RNF130: variants seen among roughly 807,000 people sequenced by gnomAD.
RNF130 encodes the protein ring finger protein 130, also known as E3 ubiquitin-protein ligase RNF130.
Under a neutral mutation model 44.6 loss-of-function variants are expected in RNF130, and 21 were observed. That is an observed-to-expected ratio of 0.47 (90% CI 0.33 to 0.68). RNF130 has a LOEUF of 0.68. Among genes scored for constraint, RNF130 ranks in the 30% least tolerant of loss-of-function variants. The pLI is 0.02. For synonymous variants in RNF130, 214 were observed against 210.4 expected, an observed-to-expected ratio of 1.02 and a Z score of -0.15; for missense variants, 479 against 560.6, an observed-to-expected ratio of 0.85 and a Z score of 1.47.
At chr5:180,062,672 A>AT (rs1419277850) in intron 1 of RNF130, among the ~76,000 whole-genome samples, 4 of 152,106 alleles carry the variant, frequency 2.6e-5, no homozygotes, top group African/African-American at 7.2e-5. Context: ...TACCTGAACC[A>AT]TTTTTTTCCA....
intron 4 of RNF130, among the ~76,000 whole-genome samples, chr5:179,979,487 C>T (rs769894459): frequency 1.3e-5 from 2 of 151,992 alleles, no homozygotes; most frequent in African/African-American, 2.4e-5. Flanking sequence ...AGACAGTTTT[C>T]GTTTTATGCC....
intron 1 of RNF130, among the ~76,000 whole-genome samples, chr5:180,055,248 C>CAAAAAAAAAAAAAAAAAAAAAAA (rs1205914690): frequency 3.3e-4 from 7 of 20,978 alleles, no homozygotes; most frequent in Admixed American, 7.2e-4. Context: ...GGTTCTGTCT[C>CAAAAAAAAAAAAAAAAAAAAAAA]AAAAAAAAAA....
chr5:180,067,168 A>G lies in RNF130; in HGVS notation c.247+4288T>C, dbSNP rs1364588532. Among the ~76,000 whole-genome samples, 8 of 152,342 alleles carry G rather than the reference A, an allele frequency of 5.3e-5. No homozygotes were observed. The South Asian group carries it at 1.0e-3, about 20-fold the overall frequency. On this transcript the variant is annotated intron_variant, in intron 1 of 8. Coordinates refer to ENST00000521389, the MANE Select transcript of RNF130 (RefSeq NM_018434.6). Reference sequence around the variant, plus strand: ...GGCAAGGTGGGGTGAGGTCAGTGAGAGCTCACAAGCTTTGTCATCTGACAG... The same window carrying G: ...GGCAAGGTGGGGTGAGGTCAGTGAGGGCTCACAAGCTTTGTCATCTGACAG...
chr5:179,929,352 T>G (rs10479551), intron 7 of RNF130, among the ~76,000 whole-genome samples: 1 of 152,220 alleles, frequency 6.6e-6, no homozygotes, highest in African/African-American at 2.4e-5. Context: ...TCTTAATTAC[T>G]GTGGCTTTGT....
At chr5:179,920,410 A>G (rs996580776) in exon 8 of RNF130, 1 of 702,514 alleles carries the variant, frequency 1.4e-6, no homozygotes, top group Non-Finnish European at 2.6e-6. Context: ...AGGAGTTTCG[A>G]TGAAAGAAGT....
At chr5:180,069,867 A>G (rs1327776547) in intron 1 of RNF130, among the ~76,000 whole-genome samples, 1 of 152,170 alleles carries the variant, frequency 6.6e-6, no homozygotes, top group Non-Finnish European at 1.5e-5. Flanking sequence ...TTCTACAGAA[A>G]CACCTAAAAC....
intron 6 of RNF130, among the ~76,000 whole-genome samples, chr5:179,969,324 G>C (rs1027563979): frequency 3.3e-5 from 5 of 151,690 alleles, no homozygotes; most frequent in Non-Finnish European, 7.4e-5. Flanking sequence ...AGTTCTCCTT[G>C]GGCTCCAGTC....
chr5:180,032,881 C>T lies in RNF130; in HGVS notation c.442+7572G>A, dbSNP rs149112564. Among the ~76,000 whole-genome samples the T allele has an allele frequency of 3.3e-5, 5 of 152,210 alleles. No individual in the cohort carries two copies. The East Asian group carries it at 9.6e-4, about 29-fold the overall frequency. ...ATGCTGTGATTTGCATAGGTACATA[C>T]CACAAGGAATTTATATATCCATTTT... On this transcript the variant is annotated intron_variant, in intron 2 of 8. Coordinates refer to ENST00000521389, the MANE Select transcript of RNF130 (RefSeq NM_018434.6).
chr5:180,062,227 G>C (rs2113183527), intron 1 of RNF130, among the ~76,000 whole-genome samples: 1 of 151,826 alleles, frequency 6.6e-6, no homozygotes, highest in Middle Eastern at 3.4e-3. Flanking sequence ...GATAATTTTT[G>C]TTATTTATTT....
intron 2 of RNF130, among the ~76,000 whole-genome samples, chr5:180,013,680 C>T (rs1292726364): frequency 2.0e-5 from 3 of 152,184 alleles, no homozygotes; most frequent in Non-Finnish European, 4.4e-5. Context: ...GGTAGATTTA[C>T]ACTGTAAAAC....
chr5:179,982,149 A>G (rs1179840687), intron 3 of RNF130, among the ~76,000 whole-genome samples: 1 of 151,934 alleles, frequency 6.6e-6, no homozygotes, highest in Non-Finnish European at 1.5e-5. Flanking sequence ...TAGATACAGT[A>G]TGTACTACTG....
intron 6 of RNF130, among the ~76,000 whole-genome samples, chr5:179,967,393 GA>G (rs1313001031): frequency 6.6e-6 from 1 of 152,166 alleles, no homozygotes; most frequent in Non-Finnish European, 1.5e-5. Flanking sequence ...CCAGGTAATA[GA>G]AAACACCTCT....
At chr5:179,938,235 G>C (rs1262529075) in intron 7 of RNF130, among the ~76,000 whole-genome samples, 1 of 152,130 alleles carries the variant, frequency 6.6e-6, no homozygotes, top group Non-Finnish European at 1.5e-5. Flanking sequence ...TGGGATCACA[G>C]GCACGAGTCA....
At position 179,945,831 on chromosome 5, in the gene RNF130, T is replaced by C. The variant is rs1457514999; in HGVS notation, c.1150+20975A>G. Among the ~76,000 whole-genome samples the C allele has an allele frequency of 2.1e-5, 3 of 142,600 alleles. No individual in the cohort carries two copies. In the Admixed American group the frequency reaches 2.2e-4, roughly 11 times the overall value. 93.6% of individuals were successfully genotyped at this position (142,600 alleles called of 152,430 possible). A position where few individuals can be genotyped will look rare whatever the true frequency, so the allele number is the denominator to read the frequency against. ...TGGGCAGTGCATGCACGCTTCCAGATGGGATTCCAGCCCGAAGAGTGTGGG... is the reference window on the plus strand; with the variant it reads ...TGGGCAGTGCATGCACGCTTCCAGACGGGATTCCAGCCCGAAGAGTGTGGG... On this transcript the variant is annotated intron_variant, in intron 7 of 7. Transcript: ENST00000522208.
Position 179,927,405 on chromosome 5 carries a change from A to G in RNF130, c.1151-6979T>C, listed in dbSNP as rs1448742937. Among the ~76,000 whole-genome samples the G allele has an allele frequency of 8.5e-5, 13 of 152,328 alleles. No homozygotes were observed. The East Asian group carries it at 2.5e-3, about 29-fold the overall frequency. ...CTACATACAGATATGTGCACAAATCATAAGTATCCAGTTCAATGAATTTCC... is the reference window on the plus strand; with the variant it reads ...CTACATACAGATATGTGCACAAATCGTAAGTATCCAGTTCAATGAATTTCC... On this transcript the variant is annotated intron_variant, in intron 7 of 7. Coordinates refer to the RNF130 transcript ENST00000522208.
chr5:180,066,226 T>C (rs747354071), intron 1 of RNF130, among the ~76,000 whole-genome samples: 32 of 152,238 alleles, frequency 2.1e-4, no homozygotes, highest in Non-Finnish European at 4.3e-4. Context: ...ATTCTCGTGA[T>C]AGTGAATAAG....
chr5:180,013,025 T>C (rs771685380), intron 3 of RNF130, 36 bp downstream of exon 3: 3 of 1,583,758 alleles, frequency 1.9e-6, no homozygotes, highest in Non-Finnish European at 8.6e-7. Flanking sequence ...GAACTCTGGC[T>C]GTTACGAACC....
intron 1 of RNF130, among the ~76,000 whole-genome samples, chr5:180,047,106 C>T (rs746770318): frequency 4.6e-5 from 7 of 152,144 alleles, no homozygotes; most frequent in Non-Finnish European, 8.8e-5. Context: ...TTAGTTACCC[C>T]GGATTTAGAT....
chr5:180,051,996 G>A (rs557716079), intron 1 of RNF130, among the ~76,000 whole-genome samples: 80 of 152,264 alleles, frequency 5.3e-4, no homozygotes, highest in African/African-American at 1.5e-3. Context: ...ATCACTCTTC[G>A]TTCCACAAAG....
Sources: allele counts gnomAD v4.1 joint callset (sites outside exome capture counted in the v4.1 genomes callset), GRCh38; gene constraint gnomAD v4.1.1; transcripts MANE v1.5; gene names NCBI Gene and HGNC (gene_info 2026-07-23, HGNC 2026-07-21).